TBC1D22B: variants seen among roughly 807,000 people sequenced by gnomAD.
The protein encoded by TBC1D22B is chromosome 6 open reading frame 197.
Under a neutral mutation model 69.1 loss-of-function variants are expected in TBC1D22B, and 32 were observed. The observed-to-expected ratio is 0.46, with a 90% CI of 0.35 to 0.62. The LOEUF is 0.62. Ranked by LOEUF, TBC1D22B falls within the 20% of genes least tolerant of loss-of-function variation. TBC1D22B has a pLI of 0.00. For synonymous variants in TBC1D22B, 206 were observed against 229.8 expected (o/e 0.90, Z 0.94); for missense variants, 462 against 630.9 (o/e 0.73, Z 2.87).
At position 37,327,216 on chromosome 6, in the gene TBC1D22B, C is replaced by T. The variant is rs931532421; in HGVS notation, c.1390-3828C>T. ...AGATAGGGCCGGGCGCGGTGGCTCG[C>T]GCCTGTAATCCCAGCACTTTGGGAG... On this transcript the variant is annotated intron_variant, in intron 12 of 12. Coordinates refer to ENST00000373491, the MANE Select transcript of TBC1D22B (RefSeq NM_017772.4). Among the ~76,000 whole-genome samples, 7 of 94,864 alleles carry T rather than the reference C, an allele frequency of 7.4e-5. 1 individual carries two copies. The highest frequency in any genetic ancestry group is 4.9e-4 in the East Asian group (2 of 4,108). 62.2% of individuals were successfully genotyped at this position (94,864 alleles called of 152,430 possible).
intron 8 of TBC1D22B, among the ~76,000 whole-genome samples, chr6:37,302,599 C>T (rs954179682): frequency 3.3e-5 from 5 of 152,160 alleles, no homozygotes; most frequent in African/African-American, 9.7e-5. Context: ...AAATGCAACA[C>T]CAATTATCAA....
chr6:37,290,423 G>T (rs1035765802), intron 7 of TBC1D22B, among the ~76,000 whole-genome samples: 7 of 152,182 alleles, frequency 4.6e-5, no homozygotes, highest in African/African-American at 1.2e-4. Context: ...GAGAGAAGAT[G>T]GGGAGAAGCT....
At chr6:37,298,438 A>AT (rs1767455752) in intron 8 of TBC1D22B, among the ~76,000 whole-genome samples, 1 of 152,132 alleles carries the variant, frequency 6.6e-6, no homozygotes, top group African/African-American at 2.4e-5. Flanking sequence ...GCCTGAACAT[A>AT]TAGATCCACT....
At chr6:37,300,520 C>G (rs1244149163) in intron 8 of TBC1D22B, among the ~76,000 whole-genome samples, 2 of 152,092 alleles carry the variant, frequency 1.3e-5, no homozygotes, top group Non-Finnish European at 2.9e-5. Flanking sequence ...GCCACTATGC[C>G]TGGCTAATTT....
intron 12 of TBC1D22B, among the ~76,000 whole-genome samples, chr6:37,325,959 C>T (rs569741468): frequency 1.3e-5 from 2 of 152,260 alleles, no homozygotes; most frequent in East Asian, 3.9e-4. Flanking sequence ...TTCCTTACGG[C>T]TAAGCATCAC....
chr6:37,267,661 GTACCTGTTGGCTCCC>G (rs1766352118), intron 1 of TBC1D22B, among the ~76,000 whole-genome samples: 1 of 151,110 alleles, frequency 6.6e-6, no homozygotes, highest in Non-Finnish European at 1.5e-5. Flanking sequence ...TCTTCAGACA[GTACCTGTTGGCTCCC>G]TACCATGAGT....
rs146472925 is a variant in TBC1D22B, at chr6:37,295,394, C to A, written c.982+4037C>A. On this transcript the variant is annotated intron_variant, in intron 8 of 12. Coordinates refer to ENST00000373491, the MANE Select transcript of TBC1D22B (RefSeq NM_017772.4). ...GTCCTGAGAGTATAGGCGTGAGCTA[C>A]CACACCTGGCCAGATTGACTTCATT... Among the ~76,000 whole-genome samples the A allele has an allele frequency of 5.2e-3, 791 of 152,300 alleles. 9 individuals are homozygous for A. The highest frequency in any genetic ancestry group is 0.017 in the African/African-American group (726 of 41,566).
intron 5 of TBC1D22B, among the ~76,000 whole-genome samples, chr6:37,283,323 A>C (rs146446910): frequency 6.6e-6 from 1 of 152,314 alleles, no homozygotes; most frequent in East Asian, 1.9e-4. Context: ...ATCTGTGAAG[A>C]GTTGATAAAT....
At chr6:37,300,363 A>T (rs536676444) in intron 8 of TBC1D22B, among the ~76,000 whole-genome samples, 5 of 151,206 alleles carry the variant, frequency 3.3e-5, no homozygotes, top group Admixed American at 2.6e-4. Flanking sequence ...TATATATTTT[A>T]TTTATTTATT....
chr6:37,313,960 G>A, intron 10 of TBC1D22B, 69 bp downstream of exon 10: 1 of 1,428,946 alleles, frequency 7.0e-7, no homozygotes, highest in Non-Finnish European at 9.9e-7. Flanking sequence ...GGTTGTGCTT[G>A]TGGGTCCTCT....
intron 12 of TBC1D22B, 118 bp downstream of exon 12, chr6:37,317,324 G>T: frequency 1.0e-6 from 1 of 994,508 alleles, no homozygotes. Flanking sequence ...AGTAGGAAGG[G>T]AGAAGGGGTG....
In TBC1D22B at chr6:37,275,815, A is replaced by G. The variant is rs111723937; in HGVS notation, c.114-3489A>G. Among the ~76,000 whole-genome samples the G allele has an allele frequency of 7.9e-3, 1,198 of 152,256 alleles. 12 individuals carry two copies. Among genetic ancestry groups the G allele is most frequent in the African/African-American group, 0.027 (1,105 of 41,532 alleles). ...GAATTTATGTATCTCCTCTGGAGAGAGCATAACTAGTAAACATGGAAAAGC... is the reference window on the plus strand; with the variant it reads ...GAATTTATGTATCTCCTCTGGAGAGGGCATAACTAGTAAACATGGAAAAGC... On this transcript the variant is annotated intron_variant, in intron 2 of 12. Coordinates refer to ENST00000373491, the MANE Select transcript of TBC1D22B (RefSeq NM_017772.4).
chr6:37,258,178 TCTGGGGG>T, intron 1 of TBC1D22B: 1 of 589,036 alleles, frequency 1.7e-6, no homozygotes, highest in Non-Finnish European at 3.0e-6. Flanking sequence ...TAGACCGGGG[TCTGGGGG>T]CGGAGGTTTC....
rs958685183 is a variant in TBC1D22B at position 37,300,026 on chromosome 6, G to T, written c.982+8669G>T. 1.1e-4 allele frequency among the ~76,000 whole-genome samples: 16 copies of T among 142,732 alleles called. No homozygotes were observed. The South Asian group carries it at 1.7e-3, about 16-fold the overall frequency. The allele number at this position is 142,732 out of a possible 152,430, so 93.6% of individuals were successfully genotyped here. A position where few individuals can be genotyped will look rare whatever the true frequency, so the allele number is the denominator to read the frequency against. ...TCTGTCAAAAAAAAAAAAAAAAAAA[G>T]ATTACAAAAATACTCTCCCGTGTTT... On this transcript the variant is annotated intron_variant, in intron 8 of 12. Coordinates refer to ENST00000373491, the MANE Select transcript of TBC1D22B (RefSeq NM_017772.4).
chr6:37,327,355 G>A (rs961043400), intron 12 of TBC1D22B, among the ~76,000 whole-genome samples: 1 of 133,856 alleles, frequency 7.5e-6, no homozygotes, highest in Admixed American at 7.6e-5. Flanking sequence ...GTGGGCGCCT[G>A]TAGTCCCAGC....
intron 5 of TBC1D22B, 99 bp from the exon 6 acceptor site, chr6:37,284,237 C>T: frequency 1.3e-6 from 2 of 1,583,752 alleles, no homozygotes; most frequent in South Asian, 1.1e-5. Flanking sequence ...GGCAGTTTTC[C>T]TTCTTGGTAG....
chr6:37,289,831 A>G (rs1469877316), intron 7 of TBC1D22B, among the ~76,000 whole-genome samples: 2 of 152,214 alleles, frequency 1.3e-5, no homozygotes, highest in Non-Finnish European at 2.9e-5. Flanking sequence ...AGAGTGTAAG[A>G]GCGTTCCCAT....
At chr6:37,329,729 C>G (rs542550540) in intron 12 of TBC1D22B, among the ~76,000 whole-genome samples, 1 of 152,300 alleles carries the variant, frequency 6.6e-6, no homozygotes. Flanking sequence ...TGTCTTATTA[C>G]TCTGCCATCT....
At chr6:37,267,943 C>T (rs901418430) in intron 1 of TBC1D22B, among the ~76,000 whole-genome samples, 4 of 152,058 alleles carry the variant, frequency 2.6e-5, no homozygotes, top group Non-Finnish European at 5.9e-5. Context: ...TCCATTTTTT[C>T]CTCCTTTTAA....
Sources: allele counts gnomAD v4.1 joint callset (sites outside exome capture counted in the v4.1 genomes callset), GRCh38; gene constraint gnomAD v4.1.1; transcripts MANE v1.5; gene names NCBI Gene and HGNC (gene_info 2026-07-23, HGNC 2026-07-21).